The following GALNT8 variants were observed in gnomAD, a reference collection of about 807,000 sequenced individuals.
GALNT8 encodes polypeptide N-acetylgalactosaminyltransferase 8.
Under a neutral mutation model 62.7 loss-of-function variants are expected in GALNT8, and 66 were observed. That is an observed-to-expected ratio of 1.05 (90% confidence interval 0.86 to 1.29). The LOEUF is 1.29. Ranked by LOEUF, GALNT8 falls within the 50% of genes most tolerant of loss-of-function variation. GALNT8 has a pLI of 0.00. For missense variants in GALNT8, 771 were observed against 791.8 expected (o/e 0.97, Z 0.32); for synonymous variants, 288 against 294.3 (o/e 0.98, Z 0.22).
At position 4,726,894 on chromosome 12, in the gene GALNT8, A is replaced by C. The variant is rs1946199081; in HGVS notation, c.509+65A>C. On this transcript the variant is annotated intron_variant, in intron 2 of 10. Transcript: ENST00000252318. This position sits in a 1 kb window ranked among gnomAD's most constrained non-coding sequence, Gnocchi z 4.1. The stretch of plus-strand genomic sequence containing the variant: ...TGATTTGAGGATGAGCTTTGGGAGC[A>C]GTGAACATTGAAGGCTGGGGGAGTG... The C allele has an allele frequency of 2.2e-6, 3 of 1,391,472 alleles. No homozygotes were observed. The highest frequency in any genetic ancestry group is 3.0e-6 in the Non-Finnish European group (3 of 1,011,666). The allele number at this position is 1,391,472 out of a possible 1,614,324, so 86.2% of individuals were successfully genotyped here.
At chr12:4,727,773 A>G (rs1402911811) in intron 2 of GALNT8, among the ~76,000 whole-genome samples, 1 of 152,198 alleles carries the variant, frequency 6.6e-6, no homozygotes, top group Non-Finnish European at 1.5e-5. Flanking sequence ...TCAGGTGATG[A>G]ACATTTGGAT....
intron 10 of GALNT8, among the ~76,000 whole-genome samples, chr12:4,772,140 C>A (rs1320587115): frequency 6.6e-6 from 1 of 152,182 alleles, no homozygotes; most frequent in Non-Finnish European, 1.5e-5. Flanking sequence ...GCCCACGGTT[C>A]TCACAGATGC....
At chr12:4,764,477 C>T (rs1195504442) in intron 9 of GALNT8, among the ~76,000 whole-genome samples, 3 of 150,746 alleles carry the variant, frequency 2.0e-5, no homozygotes, top group Non-Finnish European at 4.4e-5. Context: ...TGAGCAGACG[C>T]TCCTCCAAGG....
chr12:4,752,751 T>G (rs1591571338), intron 6 of GALNT8, among the ~76,000 whole-genome samples: 2 of 152,210 alleles, frequency 1.3e-5, no homozygotes, highest in South Asian at 4.1e-4. Context: ...TTCTGTGTAC[T>G]GACTATCACC....
chr12:4,733,446 A>C (rs780757852), intron 2 of GALNT8, among the ~76,000 whole-genome samples: 1 of 152,222 alleles, frequency 6.6e-6, no homozygotes, highest in African/African-American at 2.4e-5. Context: ...AAGCATTTCA[A>C]ATATAGCCAA....
At chr12:4,725,431 C>G (rs967191314) in intron 1 of GALNT8, among the ~76,000 whole-genome samples, 5 of 151,950 alleles carry the variant, frequency 3.3e-5, no homozygotes, top group Non-Finnish European at 5.9e-5. Context: ...ATTAATGTGA[C>G]AATTAGATTT....
intron 6 of GALNT8, among the ~76,000 whole-genome samples, chr12:4,759,595 A>G (rs1946362564): frequency 6.6e-6 from 1 of 151,680 alleles, no homozygotes; most frequent in South Asian, 2.1e-4. Flanking sequence ...GTGCAAAGGA[A>G]GGGGAATCTA....
intron 6 of GALNT8, among the ~76,000 whole-genome samples, chr12:4,752,851 G>A (rs1431088926): frequency 6.6e-6 from 1 of 152,110 alleles, no homozygotes; most frequent in Non-Finnish European, 1.5e-5. Context: ...TTTCTTGTAG[G>A]ATTGGTCTGG....
chr12:4,734,959 GGTGA>G (rs1290045895), intron 2 of GALNT8, among the ~76,000 whole-genome samples: 1 of 152,248 alleles, frequency 6.6e-6, no homozygotes, highest in Non-Finnish European at 1.5e-5. Context: ...TGAGGGCGAT[GGTGA>G]ACGGGTGAAC....
chr12:4,726,479 C>G lies in GALNT8; in HGVS notation c.212-53C>G, dbSNP rs1946195934. The stretch of plus-strand genomic sequence containing the variant: ...AGGATGGAAAGGAATACCCAGGTAA[C>G]TAAGGAGGGGCTGAAATGTTTTCTC... On this transcript the variant is annotated intron_variant, in intron 1 of 10. Transcript: ENST00000252318. This position sits in a 1 kb window ranked among gnomAD's most constrained non-coding sequence, Gnocchi z 4.1. 3.8e-6 allele frequency: 5 copies of G among 1,311,340 alleles called. No individual in the cohort carries two copies. The highest frequency in any genetic ancestry group is 3.9e-5 in the Admixed American group (2 of 51,212). The allele number at this position is 1,311,340 out of a possible 1,614,324, so 81.2% of individuals were successfully genotyped here.
At chr12:4,756,307 A>G (rs578212821) in intron 6 of GALNT8, among the ~76,000 whole-genome samples, 1 of 152,310 alleles carries the variant, frequency 6.6e-6, no homozygotes, top group East Asian at 1.9e-4. Flanking sequence ...TCGAAATTAC[A>G]CAGGTGTTGG....
chr12:4,721,514 G>A (rs1453196493), intron 1 of GALNT8, among the ~76,000 whole-genome samples: 4 of 152,172 alleles, frequency 2.6e-5, no homozygotes, highest in African/African-American at 9.7e-5. Flanking sequence ...CTGCATCATA[G>A]ACAAGGTAAA....
rs1946370565 is a variant in GALNT8 at position 4,761,112 on chromosome 12, T to C, written c.1328T>C (p.Met443Thr). 1 of 1,613,878 alleles carries C rather than the reference T, an allele frequency of 6.2e-7. No homozygotes were observed. Among genetic ancestry groups the C allele is most frequent in the Non-Finnish European group, 8.5e-7 (1 of 1,179,982 alleles). The change falls in exon 7 of 11, where the codon ATG (methionine) becomes ACG (threonine). Residue 443 changes from methionine to threonine, a missense_variant. Transcript: ENST00000252318. The stretch of plus-strand genomic sequence containing the variant: ...ATCTGGATGGATGAGCACAAACACA[T>C]GGTCTACTTGGCCTGGAACATACCT... ...AEIWMDEHKHMVYLAWNIPLQ... is the reference protein window; with the variant it reads ...AEIWMDEHKHTVYLAWNIPLQ...
intron 2 of GALNT8, among the ~76,000 whole-genome samples, chr12:4,734,955 C>T (rs1453896879): frequency 3.3e-5 from 5 of 152,148 alleles, no homozygotes; most frequent in Non-Finnish European, 5.9e-5. Context: ...TGGGTGAGGG[C>T]GATGGTGAAC....
chr12:4,758,834 TG>T (rs1364502979), intron 6 of GALNT8, among the ~76,000 whole-genome samples: 1 of 151,852 alleles, frequency 6.6e-6, no homozygotes, highest in African/African-American at 2.4e-5. Context: ...TGGCGTGCAG[TG>T]GCGCAATCTA....
At position 4,744,572 on chromosome 12, in the gene GALNT8, AGGACTACT is replaced by A; in HGVS notation, c.734_741del (p.Gly245GlufsTer7). On this transcript the variant is annotated frameshift_variant, in exon 4 of 11. Coordinates refer to ENST00000252318, the MANE Select transcript of GALNT8 (RefSeq NM_017417.2). LOFTEE classifies it high-confidence loss of function. ...TTAAGCTTTACAACCAGAAGTATCC[AGGACTACT>A]GAAAATAATACGGCATCCTGAAAGG... 6.2e-7 allele frequency: 1 copy of A among 1,612,854 alleles called. No individual in the cohort carries two copies. The highest frequency in any genetic ancestry group is 8.5e-7 in the Non-Finnish European group (1 of 1,178,862).
chr12:4,735,626 A>C (rs1378674426), intron 2 of GALNT8, among the ~76,000 whole-genome samples: 2 of 152,212 alleles, frequency 1.3e-5, no homozygotes, highest in African/African-American at 4.8e-5. Context: ...TTTCAACTCC[A>C]GGTGCATGAG....
At chr12:4,723,694 A>G (rs1946181172) in intron 1 of GALNT8, among the ~76,000 whole-genome samples, 1 of 149,682 alleles carries the variant, frequency 6.7e-6, no homozygotes. Flanking sequence ...GAGACTCACT[A>G]CCACCTGAGT....
At chr12:4,737,448 T>C (rs566280719) in intron 2 of GALNT8, among the ~76,000 whole-genome samples, 1 of 152,280 alleles carries the variant, frequency 6.6e-6, no homozygotes, top group South Asian at 2.1e-4. Flanking sequence ...ACAGTAAATA[T>C]CAGAGAAAAA....
Sources: allele counts gnomAD v4.1 joint callset (sites outside exome capture counted in the v4.1 genomes callset), GRCh38; gene constraint gnomAD v4.1.1; non-coding constraint Gnocchi (gnomAD v3.1); transcripts MANE v1.5; gene names NCBI Gene and HGNC (gene_info 2026-07-23, HGNC 2026-07-21).